The following DIAPH1 variants were observed in gnomAD, a reference collection of about 807,000 sequenced individuals.
The protein encoded by DIAPH1 is protein diaphanous homolog 1.
Under a neutral mutation model 140.7 loss-of-function variants are expected in DIAPH1, and 46 were observed. The ratio of observed to expected loss-of-function variants is 0.33; its 90% CI spans 0.26 to 0.42. The LOEUF (loss-of-function observed/expected upper bound fraction) is 0.42. Among genes scored for constraint, DIAPH1 ranks in the 10% least tolerant of loss-of-function variants. The probability of loss-of-function intolerance (pLI) is 1.00; values close to 1 mark genes in which losing one functional copy is unlikely to be tolerated. For missense variants in DIAPH1, 1,310 were observed against 1,558.7 expected (o/e 0.84, Z 2.69); for synonymous variants, 565 against 551.6 (o/e 1.02, Z -0.34).
At chr5:141,561,914 C>T (rs1388046797) in intron 18 of DIAPH1, 2 of 152,214 alleles carry the variant, frequency 1.3e-5, no homozygotes, top group African/African-American at 4.8e-5. Flanking sequence ...AGGTAGGCCA[C>T]TCCTTTCCTT....
intron 13 of DIAPH1, 56 bp from the exon 14 acceptor site, chr5:141,576,350 T>C (rs2099895963): frequency 7.8e-7 from 1 of 1,286,378 alleles, no homozygotes; most frequent in African/African-American, 1.5e-5. Flanking sequence ...TCTATTTCTT[T>C]CACACTACAC....
intron 1 of DIAPH1, among the ~76,000 whole-genome samples, chr5:141,615,333 T>C (rs1451999786): frequency 6.8e-6 from 1 of 146,848 alleles, no homozygotes; most frequent in African/African-American, 2.6e-5. Flanking sequence ...CTTGGAAGGC[T>C]GAGGCAGGAG....
At chr5:141,552,111 T>C (rs2099891783) in intron 18 of DIAPH1, among the ~76,000 whole-genome samples, 1 of 152,200 alleles carries the variant, frequency 6.6e-6, no homozygotes, top group African/African-American at 2.4e-5. Flanking sequence ...TTTGCAGGCA[T>C]GATTTAATTA....
At chr5:141,527,139 G>C (rs122752) in intron 24 of DIAPH1, among the ~76,000 whole-genome samples, 10,778 of 152,158 alleles carry the variant, frequency 0.071, 512 homozygotes, top group South Asian at 0.12. Flanking sequence ...AGGGGAGTTG[G>C]TGGGACTTTT....
chr5:141,615,739 T>C (rs949684772), intron 1 of DIAPH1, among the ~76,000 whole-genome samples: 3 of 151,828 alleles, frequency 2.0e-5, no homozygotes, highest in Admixed American at 6.6e-5. Flanking sequence ...CGAGACTCCA[T>C]CTCAAAAAAA....
At chr5:141,570,767 T>C (rs2099895069) in intron 18 of DIAPH1, among the ~76,000 whole-genome samples, 1 of 152,128 alleles carries the variant, frequency 6.6e-6, no homozygotes, top group East Asian at 1.9e-4. Context: ...TGGGCTATAA[T>C]TGTCATTATA....
intron 1 of DIAPH1, among the ~76,000 whole-genome samples, chr5:141,612,479 GATT>G (rs2099901994): frequency 6.6e-6 from 1 of 152,158 alleles, no homozygotes; most frequent in Non-Finnish European, 1.5e-5. Context: ...CAATATAAAG[GATT>G]AAGCTATTGA....
chr5:141,578,037 T>G, intron 11 of DIAPH1, 188 bp downstream of exon 11: 1 of 665,596 alleles, frequency 1.5e-6, no homozygotes, highest in Admixed American at 2.2e-5. Context: ...CTTTACTGAC[T>G]TCCCTGATCT....
At chr5:141,528,250 G>C (rs1044754465) in intron 23 of DIAPH1, among the ~76,000 whole-genome samples, 5 of 152,194 alleles carry the variant, frequency 3.3e-5, no homozygotes, top group Admixed American at 1.3e-4. Context: ...CTTAGGAAGA[G>C]AAAGAGTGCT....
intron 18 of DIAPH1, among the ~76,000 whole-genome samples, chr5:141,552,396 G>A (rs180746574): frequency 1.3e-5 from 2 of 152,162 alleles, no homozygotes; most frequent in East Asian, 1.9e-4. Flanking sequence ...ACCAGAGTCA[G>A]AGAGGACATG....
intron 1 of DIAPH1, among the ~76,000 whole-genome samples, chr5:141,604,458 T>A (rs935684316): frequency 2.6e-5 from 4 of 152,188 alleles, no homozygotes; most frequent in African/African-American, 9.7e-5. Flanking sequence ...CATTTAGAAA[T>A]AGTCAGTGAC....
intron 18 of DIAPH1, chr5:141,558,247 A>G (rs2099892956): frequency 1.3e-5 from 2 of 152,320 alleles, no homozygotes; most frequent in South Asian, 4.1e-4. Flanking sequence ...AGTTGCAGTT[A>G]CTGCTTGGTT....
intron 1 of DIAPH1, among the ~76,000 whole-genome samples, chr5:141,610,509 C>T (rs1490592030): frequency 6.6e-6 from 1 of 152,062 alleles, no homozygotes; most frequent in Non-Finnish European, 1.5e-5. Flanking sequence ...CCATGTTGGC[C>T]AGGATGGTCT....
At chr5:141,549,071 T>C (rs2099891287) in intron 18 of DIAPH1, among the ~76,000 whole-genome samples, 2 of 152,050 alleles carry the variant, frequency 1.3e-5, no homozygotes, top group South Asian at 4.1e-4. Context: ...ATAGGGTATA[T>C]ATCAACTCAA....
rs200815538 is a variant in DIAPH1 at position 141,543,502 on chromosome 5, A to T, written c.2483-9069T>A. Among the ~76,000 whole-genome samples, 18 of 152,066 alleles carry T rather than the reference A, an allele frequency of 1.2e-4. No individual in the cohort carries two copies. The East Asian group carries it at 2.1e-3, about 18-fold the overall frequency. ...TGACTTAAGATAATTCAACCTAACA[A>T]TTTTTTTTAGCTTATGATGGTGCAA... is the stretch of plus-strand genomic sequence containing the variant. On this transcript the variant is annotated intron_variant, in intron 18 of 27. Transcript: ENST00000389054.
intron 1 of DIAPH1, among the ~76,000 whole-genome samples, chr5:141,596,441 C>A (rs2099899339): frequency 6.6e-6 from 1 of 151,966 alleles, no homozygotes; most frequent in Non-Finnish European, 1.5e-5. Context: ...GAGGTTGCAG[C>A]AAGCTGAGAT....
chr5:141,556,211 G>A (rs1457439898), intron 18 of DIAPH1, among the ~76,000 whole-genome samples: 3 of 151,992 alleles, frequency 2.0e-5, no homozygotes, highest in Admixed American at 6.6e-5. Flanking sequence ...CATCCCCCCC[G>A]GCCCCAACAC....
At chr5:141,533,107 T>C (rs563443899) in intron 19 of DIAPH1, among the ~76,000 whole-genome samples, 4 of 152,230 alleles carry the variant, frequency 2.6e-5, no homozygotes, top group Non-Finnish European at 5.9e-5. Flanking sequence ...GCACTTCGCA[T>C]CATTTAAACT....
intron 15 of DIAPH1, among the ~76,000 whole-genome samples, 162 bp downstream of exon 15, chr5:141,574,805 C>A (rs1349515295): frequency 2.0e-5 from 3 of 152,134 alleles, no homozygotes; most frequent in Non-Finnish European, 4.4e-5. Flanking sequence ...TTACCCCCAA[C>A]ACAAACCAAA....
Sources: allele counts gnomAD v4.1 joint callset (sites outside exome capture counted in the v4.1 genomes callset), GRCh38; gene constraint gnomAD v4.1.1; transcripts MANE v1.5; gene names NCBI Gene and HGNC (gene_info 2026-07-23, HGNC 2026-07-21).